Variants in EML6 observed in about 807,000 individuals in gnomAD.
EML6 encodes EMAP like 6, also known as echinoderm microtubule-associated protein-like 6.
Under a neutral mutation model 240.1 loss-of-function variants are expected in EML6, and 154 were observed. That is an observed-to-expected ratio of 0.64 (90% confidence interval 0.56 to 0.73). The LOEUF (loss-of-function observed/expected upper bound fraction) is 0.73, where lower values mean the gene tolerates loss of function less well. Among genes scored for constraint, EML6 ranks in the 30% least tolerant of loss-of-function variants. The pLI, the probability that EML6 is intolerant of heterozygous loss-of-function variation, is 0.00. For synonymous variants in EML6, 1,148 were observed against 899.0 expected (o/e 1.28, Z -4.95); for missense variants, 2,964 against 2,474.6 (o/e 1.20, Z -4.20).
At chr2:54,826,345 T>C (rs1668592425) in intron 5 of EML6, among the ~76,000 whole-genome samples, 1 of 152,224 alleles carries the variant, frequency 6.6e-6, no homozygotes, top group Non-Finnish European at 1.5e-5. Context: ...ATGAAAACTA[T>C]GTTAAGGTTT....
At chr2:54,797,436 TAAAC>T (rs1669879602) in intron 2 of EML6, among the ~76,000 whole-genome samples, 3 of 152,140 alleles carry the variant, frequency 2.0e-5, no homozygotes, top group Admixed American at 6.5e-5. Context: ...GGATACACCT[TAAAC>T]AAATTAAGTC....
At chr2:54,860,401 C>T (rs1054907181) in intron 12 of EML6, among the ~76,000 whole-genome samples, 2 of 152,086 alleles carry the variant, frequency 1.3e-5, no homozygotes, top group African/African-American at 4.8e-5. Flanking sequence ...AAAATGCAGC[C>T]CAGTTTCTAC....
chr2:54,890,371 A>G (rs1315695349), intron 17 of EML6, among the ~76,000 whole-genome samples: 1 of 152,140 alleles, frequency 6.6e-6, no homozygotes, highest in Non-Finnish European at 1.5e-5. Flanking sequence ...GTCCTAATAT[A>G]TCAAAGACCA....
At chr2:54,903,284 C>T in intron 23 of EML6, 87 bp from the exon 24 acceptor site, 1 of 1,520,784 alleles carries the variant, frequency 6.6e-7, no homozygotes, top group Non-Finnish European at 8.9e-7. Flanking sequence ...TTTCTTTGAC[C>T]ATTTTCCCAC....
At chr2:54,960,040 T>C (rs986849922) in intron 34 of EML6, among the ~76,000 whole-genome samples, 180 bp from the exon 35 acceptor site, 3 of 152,212 alleles carry the variant, frequency 2.0e-5, no homozygotes, top group Non-Finnish European at 4.4e-5. Flanking sequence ...GAGGTTGGGA[T>C]TGCTTAGCAC....
chr2:54,783,808 A>G (rs1441228122), intron 2 of EML6, among the ~76,000 whole-genome samples: 2 of 152,212 alleles, frequency 1.3e-5, no homozygotes, highest in Non-Finnish European at 2.9e-5. Context: ...AATATGTATC[A>G]TTGATATACT....
chr2:54,909,748 G>C (rs1673539530), intron 24 of EML6, among the ~76,000 whole-genome samples: 1 of 150,972 alleles, frequency 6.6e-6, no homozygotes, highest in Admixed American at 6.6e-5. Context: ...GAAGGCTGAG[G>C]CAAGAGAATC....
In EML6 at chr2:54,971,463, T is replaced by C. The variant is rs976227905; in HGVS notation, c.*1368T>C. The C allele has an allele frequency of 6.6e-6, 1 of 152,232 alleles. No homozygotes were observed. The highest frequency in any genetic ancestry group is 6.5e-5 in the Admixed American group (1 of 15,288). 9.4% of individuals were successfully genotyped at this position (152,232 alleles called of 1,614,324 possible). A position where few individuals can be genotyped will look rare whatever the true frequency, so the allele number is the denominator to read the frequency against. ...ACGAAAATTCTAGACCTACAGTTAC[T>C]GGCTACTTGCATTTGTCAGTTTAGA... On this transcript the variant is annotated 3_prime_UTR_variant, in exon 42 of 42. Transcript: ENST00000356458.
In EML6 at chr2:54,967,181, CTG is replaced by C. The variant is rs937563413; in HGVS notation, c.5597+81_5597+82del. 97 of 955,850 alleles carry C rather than the reference CTG, an allele frequency of 1.0e-4. 1 individual carries two copies. In the South Asian group the frequency reaches 1.3e-3, roughly 12 times the overall value. 59.2% of individuals were successfully genotyped at this position (955,850 alleles called of 1,614,324 possible). A position where few individuals can be genotyped will look rare whatever the true frequency, so the allele number is the denominator to read the frequency against. On this transcript the variant is annotated intron_variant, in intron 39 of 41. Transcript: ENST00000356458. Reference sequence around the variant, plus strand: ...TCTCACTCAGGCTCAGCCTCCAAGTCTGTGCAGGATCTGAAGAAGCTGAGAAA... The same window carrying C: ...TCTCACTCAGGCTCAGCCTCCAAGTCTGCAGGATCTGAAGAAGCTGAGAAA...
intron 2 of EML6, among the ~76,000 whole-genome samples, chr2:54,789,604 A>T (rs1189913917): frequency 1.3e-5 from 2 of 148,692 alleles, no homozygotes; most frequent in Non-Finnish European, 3.0e-5. Context: ...GGCCCACCTG[A>T]TGTTGTCTTC....
chr2:54,833,600 C>G (rs1341076875), intron 7 of EML6, among the ~76,000 whole-genome samples: 1 of 152,182 alleles, frequency 6.6e-6, no homozygotes, highest in African/African-American at 2.4e-5. Context: ...AGATCTGATT[C>G]TCAGGGCTCC....
chr2:54,904,613 TGAA>T (rs1673222028), intron 24 of EML6, among the ~76,000 whole-genome samples: 1 of 152,050 alleles, frequency 6.6e-6, no homozygotes, highest in Non-Finnish European at 1.5e-5. Context: ...CAGGGGGTGA[TGAA>T]GAAATAGAAG....
At chr2:54,843,778 G>A (rs1669591540) in intron 7 of EML6, among the ~76,000 whole-genome samples, 1 of 151,108 alleles carries the variant, frequency 6.6e-6, no homozygotes, top group Non-Finnish European at 1.5e-5. Context: ...GGGAGGCGGA[G>A]GCTGCAGTGA....
chr2:54,971,942 TTGGTG>T lies in EML6; in HGVS notation c.*1848_*1852del, dbSNP rs1677043369. On this transcript the variant is annotated 3_prime_UTR_variant, in exon 42 of 42. Coordinates refer to ENST00000356458, the MANE Select transcript of EML6 (RefSeq NM_001039753.4). ...TGTATGATATATGTGAGTTAAAACA[TTGGTG>T]CATGAATTTATTTTCAAAGTATAAA... 6.6e-6 allele frequency: 1 copy of T among 152,234 alleles called. No homozygotes were observed. Among genetic ancestry groups the T allele is most frequent in the Non-Finnish European group, 1.5e-5 (1 of 68,048 alleles). The allele number at this position is 152,234 out of a possible 1,614,324, so 9.4% of individuals were successfully genotyped here. A position where few individuals can be genotyped will look rare whatever the true frequency, so the allele number is the denominator to read the frequency against.
intron 25 of EML6, among the ~76,000 whole-genome samples, chr2:54,915,767 G>C (rs921302268): frequency 6.6e-6 from 1 of 152,090 alleles, no homozygotes; most frequent in Non-Finnish European, 1.5e-5. Context: ...TTAGCAGCGT[G>C]CAAAACAGTT....
At chr2:54,898,940 C>T (rs567292472) in intron 21 of EML6, among the ~76,000 whole-genome samples, 1 of 152,218 alleles carries the variant, frequency 6.6e-6, no homozygotes, top group Non-Finnish European at 1.5e-5. Context: ...TATTCTAAGC[C>T]AGCCAAGTGT....
chr2:54,953,925 T>A (rs1315881300), intron 31 of EML6, 58 bp from the exon 32 acceptor site: 92 of 1,117,844 alleles, frequency 8.2e-5, no homozygotes, highest in Non-Finnish European at 1.0e-4. Flanking sequence ...AACATAAGCA[T>A]CGCCTTGGCT....
intron 16 of EML6, among the ~76,000 whole-genome samples, chr2:54,874,243 A>G (rs1221797901): frequency 6.6e-6 from 1 of 152,228 alleles, no homozygotes; most frequent in Non-Finnish European, 1.5e-5. Context: ...TTCTGGGCTT[A>G]TTAGTTTTAT....
chr2:54,824,343 A>C (rs1182839561), intron 5 of EML6, among the ~76,000 whole-genome samples: 2 of 152,180 alleles, frequency 1.3e-5, no homozygotes, highest in Non-Finnish European at 2.9e-5. Flanking sequence ...ACCTCAAAGA[A>C]TCTGGAATGT....
Sources: gnomAD v4.1 joint callset for allele counts (sites outside exome capture counted in the v4.1 genomes callset) on GRCh38, gnomAD v4.1.1 for gene constraint, MANE v1.5 for transcripts, NCBI Gene and HGNC (gene_info 2026-07-23, HGNC 2026-07-21) for gene names.